The following RFWD3 variants were observed in gnomAD, a reference collection of about 807,000 sequenced individuals.
RFWD3 encodes the protein ring finger and WD repeat domain 3, also known as E3 ubiquitin-protein ligase RFWD3.
RFWD3 carries 65 observed loss-of-function variants against 87.7 expected under a neutral mutation model. The ratio of observed to expected loss-of-function variants is 0.74; its 90% CI spans 0.61 to 0.91. The LOEUF (loss-of-function observed/expected upper bound fraction) is 0.91. Among genes scored for constraint, RFWD3 ranks in the 40% least tolerant of loss-of-function variants. RFWD3 has a pLI of 0.00. For missense variants in RFWD3, 1,078 were observed against 938.5 expected (o/e 1.15, Z -1.94); for synonymous variants, 433 against 352.8 (o/e 1.23, Z -2.55).
chr16:74,660,539 G>C (rs1961344699), intron 2 of RFWD3: 2 of 182,698 alleles, frequency 1.1e-5, no homozygotes, highest in Non-Finnish European at 2.3e-5. Context: ...TGACAGCTAA[G>C]CCCTTCAAGA....
chr16:74,633,200 C>G (rs1038359189), intron 8 of RFWD3, among the ~76,000 whole-genome samples: 6 of 150,726 alleles, frequency 4.0e-5, no homozygotes, highest in African/African-American at 1.5e-4. Flanking sequence ...TCGCTTGAAC[C>G]CAGGAGGCGG....
chr16:74,660,987 C>T lies in RFWD3; in HGVS notation c.463G>A (p.Val155Ile). The T allele has an allele frequency of 6.2e-7, 1 of 1,614,144 alleles. No homozygotes were observed. Among genetic ancestry groups the T allele is most frequent in the East Asian group, 2.2e-5 (1 of 44,878 alleles). Reference protein sequence around the residue: ...SVGPMRTRRRVSASRRARAGG... With the variant: ...SVGPMRTRRRISASRRARAGG... ...GCTCTTGCCCTCCGTGAAGCAGATA[C>T]CCTCCTTCTTGTTCTCATTGGCCCT... The change falls in exon 2 of 13, where the codon GTA (valine) becomes ATA (isoleucine). Residue 155 changes from valine to isoleucine, a missense_variant. Coordinates refer to ENST00000361070, the MANE Select transcript of RFWD3 (RefSeq NM_018124.4).
rs1958817251 is a variant in RFWD3, at chr16:74,623,270, A to C, written c.*658T>G. On this transcript the variant is annotated 3_prime_UTR_variant, in exon 13 of 13. Coordinates refer to ENST00000361070, the MANE Select transcript of RFWD3 (RefSeq NM_018124.4). ...GAATCGTTCACTAGCTGCTTCCATC[A>C]CTGGGCCTGCCAATGTCCCAGCACT... The C allele has an allele frequency of 6.6e-6, 1 of 152,660 alleles. No homozygotes were observed. Among genetic ancestry groups the C allele is most frequent in the South Asian group, 2.1e-4 (1 of 4,828 alleles). 9.5% of individuals were successfully genotyped at this position (152,660 alleles called of 1,614,324 possible).
intron 2 of RFWD3, among the ~76,000 whole-genome samples, chr16:74,659,176 G>GT (rs1438850736): frequency 6.6e-6 from 1 of 152,128 alleles, no homozygotes; most frequent in Non-Finnish European, 1.5e-5. Flanking sequence ...GTTAATACAA[G>GT]TCACTGTGCT....
Position 74,644,719 on chromosome 16 carries a change from G to A in RFWD3, c.809C>T (p.Ser270Phe). ...TLPKQPSPQKSEPLLPSASMD... is the reference protein window; with the variant it reads ...TLPKQPSPQKFEPLLPSASMD... ...AGAAGCAGAAGGTAGCAGAGGCTCA[G>A]ACTTCTGGGGAGATGGCTAGATGGA... The change falls in exon 5 of 13, where the codon TCT becomes TTT. Residue 270 changes from serine to phenylalanine, a missense_variant. Physicochemically the swap from Ser to Phe is radical, Grantham distance 155. Transcript: ENST00000361070. The A allele has an allele frequency of 6.2e-7, 1 of 1,612,008 alleles. No individual in the cohort carries two copies. Among genetic ancestry groups the A allele is most frequent in the Non-Finnish European group, 8.5e-7 (1 of 1,178,352 alleles).
In RFWD3 at chr16:74,661,326, C is replaced by T. The variant is rs1961419386; in HGVS notation, c.124G>A (p.Asp42Asn). The change falls in exon 2 of 13, where the codon GAT becomes AAT. Residue 42 changes from aspartate to asparagine, a missense_variant. By Grantham distance (23) the Asp-to-Asn change is conservative. Transcript: ENST00000361070. ...GPALLQPVPA[D>N]VVSSQGVPSI... is the part of the protein sequence containing the mutation. ...GGTACCCCCTGGCTGCTGACCACAT[C>T]AGCAGGAACAGGCTGGAGGAGGGCT... 2 of 1,613,872 alleles carry T rather than the reference C, an allele frequency of 1.2e-6. No homozygotes were observed. Among genetic ancestry groups the T allele is most frequent in the Admixed American group, 1.7e-5 (1 of 59,982 alleles).
chr16:74,648,435 G>GT (rs1960327384), intron 4 of RFWD3, among the ~76,000 whole-genome samples: 1 of 150,844 alleles, frequency 6.6e-6, no homozygotes, highest in African/African-American at 2.4e-5. Flanking sequence ...GATTACAGGT[G>GT]TAAGCCACCG....
chr16:74,664,974 C>T (rs1310214075), intron 1 of RFWD3, among the ~76,000 whole-genome samples: 1 of 152,216 alleles, frequency 6.6e-6, no homozygotes, highest in African/African-American at 2.4e-5. Context: ...ATGGGCTGGG[C>T]ACCCCAAACC....
At chr16:74,643,499 T>TA (rs1439565458) in intron 6 of RFWD3, among the ~76,000 whole-genome samples, 1 of 152,138 alleles carries the variant, frequency 6.6e-6, no homozygotes, top group Non-Finnish European at 1.5e-5. Context: ...CCTGAACAAT[T>TA]ACTAGATCAA....
chr16:74,629,650 A>T (rs1488499959), intron 10 of RFWD3, among the ~76,000 whole-genome samples: 2 of 151,002 alleles, frequency 1.3e-5, no homozygotes, highest in African/African-American at 2.4e-5. Context: ...AAAACAAAAA[A>T]ACCACTACCA....
intron 3 of RFWD3, among the ~76,000 whole-genome samples, chr16:74,651,294 G>A (rs928243288): frequency 6.6e-6 from 1 of 152,236 alleles, no homozygotes; most frequent in South Asian, 2.1e-4. Flanking sequence ...GCCTAGACAG[G>A]GTGCTGAATT....
At chr16:74,659,874 A>G (rs1013140844) in intron 2 of RFWD3, among the ~76,000 whole-genome samples, 18 of 152,182 alleles carry the variant, frequency 1.2e-4, no homozygotes, top group African/African-American at 4.1e-4. Context: ...ACTTTTTAGT[A>G]TCATCTCAAT....
At chr16:74,627,575 C>T (rs563828339) in intron 11 of RFWD3, among the ~76,000 whole-genome samples, 1 of 152,208 alleles carries the variant, frequency 6.6e-6, no homozygotes, top group Non-Finnish European at 1.5e-5. Context: ...GACCAACACA[C>T]CTGAACCTAA....
At position 74,651,993 on chromosome 16, in the gene RFWD3, A is replaced by G. The variant is rs1422860973; in HGVS notation, c.648T>C (p.Ser216=). 1.9e-6 allele frequency: 3 copies of G among 1,614,114 alleles called. No homozygotes were observed. The Admixed American group carries it at 5.0e-5, about 27-fold the overall frequency. Residue 216 remains serine, a synonymous_variant, in exon 3 of 13, where the codon TCT becomes TCC. Coordinates refer to ENST00000361070, the MANE Select transcript of RFWD3 (RefSeq NM_018124.4). ...EELQVSSSSD[S]DSDSSAEYGG... is the part of the protein sequence containing the mutation. ...CATACTCTGCAGAGCTGTCACTGTCAGAATCAGAACTACTAGACACCTGCA... is the reference window on the plus strand; with the variant it reads ...CATACTCTGCAGAGCTGTCACTGTCGGAATCAGAACTACTAGACACCTGCA...
At chr16:74,649,079 C>G in intron 4 of RFWD3, 53 bp downstream of exon 4, 1 of 1,273,962 alleles carries the variant, frequency 7.8e-7, no homozygotes, top group Non-Finnish European at 1.1e-6. Context: ...GACCTAGTCT[C>G]TAAAAATAAA....
At chr16:74,659,078 ACT>A (rs1961225535) in intron 2 of RFWD3, among the ~76,000 whole-genome samples, 1 of 151,918 alleles carries the variant, frequency 6.6e-6, no homozygotes, top group South Asian at 2.1e-4. Context: ...CAATTTTCTC[ACT>A]AGAGTTTGGC....
Position 74,628,412 on chromosome 16 carries a change from T to C in RFWD3, c.1969+40A>G, listed in dbSNP as rs1478573234. The C allele has an allele frequency of 1.9e-6, 3 of 1,580,214 alleles. No individual in the cohort carries two copies. In the East Asian group the frequency reaches 6.7e-5, roughly 35 times the overall value. ...CCTCCTTCCCTTTTCTCTACCACTG[T>C]GCTCCCAAATAAGCTATGGGAGACC... is the stretch of plus-strand genomic sequence containing the variant. On this transcript the variant is annotated intron_variant, in intron 11 of 12. Transcript: ENST00000361070.
intron 2 of RFWD3, among the ~76,000 whole-genome samples, chr16:74,655,446 A>C (rs1597452119): frequency 6.7e-6 from 1 of 149,082 alleles, no homozygotes; most frequent in African/African-American, 2.5e-5. Flanking sequence ...ATGAGGTTTC[A>C]CCCTGTTAGC....
Position 74,626,526 on chromosome 16 carries a change from CA to C in RFWD3, c.1997del (p.Val666GlyfsTer2). On this transcript the variant is annotated frameshift_variant, in exon 12 of 13. Transcript: ENST00000361070. LOFTEE classifies it high-confidence loss of function. ...PDKNHTTIRSVLMEMSYRLDD... is the reference protein window; with the variant it reads ...PDKNHTTIRSXLMEMSYRLDD... ...CCAGTCGGTAGGACATTTCCATCAG[CA>C]CACTTCGTATGGTGGTGTGATTTTT... The C allele has an allele frequency of 6.2e-7, 1 of 1,614,144 alleles. No homozygotes were observed. Among genetic ancestry groups the C allele is most frequent in the Non-Finnish European group, 8.5e-7 (1 of 1,180,002 alleles).
Sources: gnomAD v4.1 joint callset for allele counts (sites outside exome capture counted in the v4.1 genomes callset) on GRCh38, gnomAD v4.1.1 for gene constraint, MANE v1.5 for transcripts, NCBI Gene and HGNC (gene_info 2026-07-23, HGNC 2026-07-21) for gene names.